STRADB: variants seen among roughly 807,000 people sequenced by gnomAD.
STRADB encodes the protein STE20-related kinase adapter protein beta.
Under a neutral mutation model 52.1 loss-of-function variants are expected in STRADB, and 34 were observed. That is an observed-to-expected ratio of 0.65 (90% CI 0.50 to 0.87). The LOEUF (loss-of-function observed/expected upper bound fraction) is 0.87. Among genes scored for constraint, STRADB ranks in the 40% least tolerant of loss-of-function variants. STRADB has a pLI of 0.00. For synonymous variants in STRADB, 133 were observed against 174.5 expected (o/e 0.76, Z 1.87); for missense variants, 340 against 483.9 (o/e 0.70, Z 2.79).
At chr2:201,471,538 C>T (rs1412903403) in intron 4 of STRADB, among the ~76,000 whole-genome samples, 1 of 152,156 alleles carries the variant, frequency 6.6e-6, no homozygotes, top group Middle Eastern at 3.2e-3. Context: ...TTTGCCACTC[C>T]CATTTCGCAG....
chr2:201,469,858 C>T (rs1952361817), intron 3 of STRADB, 95 bp from the exon 4 acceptor site: 2 of 882,352 alleles, frequency 2.3e-6, no homozygotes, highest in African/African-American at 1.7e-5. Flanking sequence ...TAATGAGCAC[C>T]TCTGTGTTTG....
rs2125684296 is a variant in STRADB at position 201,478,512 on chromosome 2, T to C, written c.981T>C (p.Ser327=). ...CCAGTGGAACTCACACAGTAAATAG[T>C]GACCGATTACACACACCATCCTCAA... ...LVSSGTHTVN[S]DRLHTPSSKT... is the part of the protein sequence containing the mutation. Residue 327 remains serine (S), a synonymous_variant, in exon 10 of 12, where the codon AGT becomes AGC. Coordinates refer to ENST00000194530, the MANE Select transcript of STRADB (RefSeq NM_018571.6). 6.2e-7 allele frequency: 1 copy of C among 1,614,020 alleles called. No homozygotes were observed. The highest frequency in any genetic ancestry group is 2.2e-5 in the East Asian group (1 of 44,838).
At chr2:201,458,928 A>C (rs1952170427) in intron 3 of STRADB, 64 bp downstream of exon 3, 2 of 1,412,398 alleles carry the variant, frequency 1.4e-6, no homozygotes, top group Admixed American at 3.6e-5. Flanking sequence ...CTGGGAGGCC[A>C]AGGCAGGAGA....
Position 201,451,780 on chromosome 2 carries a change from C to G in STRADB, c.-254C>G, listed in dbSNP as rs1952043815. The G allele has an allele frequency of 6.6e-6, 1 of 152,000 alleles. No homozygotes were observed. The highest frequency in any genetic ancestry group is 1.5e-5 in the Non-Finnish European group (1 of 67,980). 9.4% of individuals were successfully genotyped at this position (152,000 alleles called of 1,614,324 possible). On this transcript the variant is annotated 5_prime_UTR_variant, in exon 1 of 12. Transcript: ENST00000194530. The stretch of plus-strand genomic sequence containing the variant: ...CCTGGGACTGGTGCAGAGTTCCAAG[C>G]CCACGGCCCCGGTCGCGGCCTCGCC...
intron 5 of STRADB, among the ~76,000 whole-genome samples, chr2:201,473,668 A>T (rs1356754660): frequency 4.6e-5 from 7 of 152,174 alleles, no homozygotes; most frequent in Non-Finnish European, 8.8e-5. Context: ...GCTAGTCTGG[A>T]GTTTTACAAT....
At chr2:201,477,174 C>T (rs1952491204) in intron 7 of STRADB, among the ~76,000 whole-genome samples, 1 of 139,468 alleles carries the variant, frequency 7.2e-6, no homozygotes, top group South Asian at 2.5e-4. Flanking sequence ...ATGCCATTCT[C>T]CTGCCTCAGC....
chr2:201,453,211 G>A (rs942038993), intron 1 of STRADB, among the ~76,000 whole-genome samples: 7 of 151,998 alleles, frequency 4.6e-5, no homozygotes, highest in African/African-American at 1.7e-4. Context: ...TTTCTTCTGA[G>A]CTTTTCTGAA....
intron 2 of STRADB, among the ~76,000 whole-genome samples, chr2:201,455,546 T>C (rs1952115407): frequency 6.6e-6 from 1 of 152,048 alleles, no homozygotes; most frequent in Non-Finnish European, 1.5e-5. Context: ...AGATCCTGTC[T>C]GTATAAAATA....
chr2:201,475,077 C>T (rs1952450506), intron 6 of STRADB, among the ~76,000 whole-genome samples: 2 of 152,148 alleles, frequency 1.3e-5, no homozygotes, highest in Admixed American at 1.3e-4. Flanking sequence ...TGTTTTTCCA[C>T]CTCTGCCCCC....
chr2:201,459,092 C>G (rs969438598), intron 3 of STRADB, among the ~76,000 whole-genome samples: 1 of 152,044 alleles, frequency 6.6e-6, no homozygotes, highest in Admixed American at 6.6e-5. Context: ...TTACAGTGTC[C>G]TTTACTATTT....
rs111941783 is a variant in STRADB, at chr2:201,469,965, A to C, written c.106A>C (p.Thr36Pro). ...AAAACAAATGCAGGTTGATGAGCCA[A>C]CCCTTTCCTGGTCACGTCCATCCAC... ...SIHQYLVDEP[T>P]LSWSRPSTRA... The change falls in exon 4 of 12, where the codon ACC becomes CCC. Residue 36 changes from threonine (T) to proline (P), a missense_variant. Thr to Pro is a conservative substitution (Grantham distance 38). Transcript: ENST00000194530. 1 of 1,613,584 alleles carries C rather than the reference A, an allele frequency of 6.2e-7. No individual in the cohort carries two copies.
At chr2:201,464,774 C>G (rs951931921) in intron 3 of STRADB, among the ~76,000 whole-genome samples, 1 of 152,218 alleles carries the variant, frequency 6.6e-6, no homozygotes, top group Admixed American at 6.5e-5. Context: ...GTGCTCTATT[C>G]TACTGCAGCT....
At chr2:201,474,178 C>T (rs1387911633) in intron 5 of STRADB, among the ~76,000 whole-genome samples, 1 of 152,162 alleles carries the variant, frequency 6.6e-6, no homozygotes, top group East Asian at 1.9e-4. Flanking sequence ...GCGTGAGCCA[C>T]CGTGCCCGGC....
At chr2:201,475,489 A>G in intron 6 of STRADB, 130 bp from the exon 7 acceptor site, 1 of 989,506 alleles carries the variant, frequency 1.0e-6, no homozygotes, top group Non-Finnish European at 1.5e-6. Flanking sequence ...TGTGTGGGAA[A>G]GTGTTGTTTG....
intron 1 of STRADB, among the ~76,000 whole-genome samples, chr2:201,453,512 C>T (rs1392708822): frequency 2.0e-5 from 3 of 152,098 alleles, no homozygotes; most frequent in Non-Finnish European, 4.4e-5. Context: ...AGTGTATTGA[C>T]TATGATGTGT....
rs544241740 is a variant in STRADB, at chr2:201,467,749, T to C, written c.94-2204T>C. Among the ~76,000 whole-genome samples, 4 of 152,332 alleles carry C rather than the reference T, an allele frequency of 2.6e-5. No individual in the cohort carries two copies. In the East Asian group the frequency reaches 5.8e-4, roughly 22 times the overall value. The stretch of plus-strand genomic sequence containing the variant: ...CCATTTTACAATCACCATTTTACAA[T>C]TCCCTCTTAAATTGTGGTGTCTCAA... On this transcript the variant is annotated intron_variant, in intron 3 of 11. Coordinates refer to ENST00000194530, the MANE Select transcript of STRADB (RefSeq NM_018571.6).
At chr2:201,458,661 T>C in intron 2 of STRADB, 123 bp from the exon 3 acceptor site, 1 of 717,584 alleles carries the variant, frequency 1.4e-6, no homozygotes, top group Non-Finnish European at 2.3e-6. Context: ...AATTCCAAGT[T>C]TCTGCAAGTT....
At chr2:201,455,567 G>A (rs891137723) in intron 2 of STRADB, among the ~76,000 whole-genome samples, 9 of 152,018 alleles carry the variant, frequency 5.9e-5, no homozygotes, top group Non-Finnish European at 1.3e-4. Flanking sequence ...TTAGCCAGAC[G>A]TAGTGTCATA....
chr2:201,463,718 A>G (rs1420935007), intron 3 of STRADB, among the ~76,000 whole-genome samples: 3 of 152,152 alleles, frequency 2.0e-5, no homozygotes. Flanking sequence ...CAATGCCGAT[A>G]AATCTTAGAT....
Sources: allele counts gnomAD v4.1 joint callset (sites outside exome capture counted in the v4.1 genomes callset), GRCh38; gene constraint gnomAD v4.1.1; transcripts MANE v1.5; gene names NCBI Gene and HGNC (gene_info 2026-07-23, HGNC 2026-07-21).